Variants in ALPK1 observed in about 807,000 individuals in gnomAD.
The protein encoded by ALPK1 is alpha-protein kinase 1.
A neutral mutation model predicts 120.6 loss-of-function variants in ALPK1; 110 were observed. That is an observed-to-expected ratio of 0.91 (90% CI 0.78 to 1.07). The LOEUF (loss-of-function observed/expected upper bound fraction) is 1.07. Ranked by LOEUF, ALPK1 falls within the 50% of genes least tolerant of loss-of-function variation. The probability of loss-of-function intolerance (pLI) is 0.00; values close to 1 mark genes in which losing one functional copy is unlikely to be tolerated. For missense variants in ALPK1, 1,498 were observed against 1,483.9 expected, an observed-to-expected ratio of 1.01 and a Z score of -0.16; for synonymous variants, 582 against 560.3, an observed-to-expected ratio of 1.04 and a Z score of -0.55.
chr4:112,411,003 A>G (rs772084128), intron 4 of ALPK1: 1 of 154,848 alleles, frequency 6.5e-6, no homozygotes, highest in Non-Finnish European at 1.5e-5. Context: ...CAATATGTTT[A>G]GTGTGACGTC....
intron 2 of ALPK1, among the ~76,000 whole-genome samples, chr4:112,364,081 T>C (rs1199429825): frequency 6.6e-6 from 1 of 152,128 alleles, no homozygotes; most frequent in Non-Finnish European, 1.5e-5. Context: ...GGAAAGTTCA[T>C]AGCATTAAAT....
chr4:112,320,681 G>A (rs1324760880), intron 2 of ALPK1, among the ~76,000 whole-genome samples: 3 of 151,926 alleles, frequency 2.0e-5, no homozygotes, highest in Admixed American at 1.3e-4. Flanking sequence ...AACTTTTTTT[G>A]TTGGTGGCTT....
rs184504248 is a variant in ALPK1, at chr4:112,431,441, G to A, written c.1894G>A (p.Asp632Asn). 1.9e-5 allele frequency: 31 copies of A among 1,614,094 alleles called. No individual in the cohort carries two copies. The highest frequency in any genetic ancestry group is 1.6e-4 in the Middle Eastern group (1 of 6,084). ...TGCCTTGTCTGAGGAGCTAGAGAATGACAGGGAAGGCAGAGCTATGCATTC... is the reference window on the plus strand; with the variant it reads ...TGCCTTGTCTGAGGAGCTAGAGAATAACAGGGAAGGCAGAGCTATGCATTC... ...STALSEELEN[D>N]REGRAMHSLH... Residue 632 changes from aspartate (D) to asparagine (N), a missense_variant, in exon 11 of 16, where the codon GAC (aspartate) becomes AAC (asparagine). Physicochemically the swap from Asp to Asn is conservative, Grantham distance 23. Transcript: ENST00000650871.
rs1019851857 is a variant in ALPK1 at position 112,315,833 on chromosome 4, C to A, written c.-120C>A. On this transcript the variant is annotated 5_prime_UTR_variant, in exon 2 of 16. Coordinates refer to ENST00000650871, the MANE Select transcript of ALPK1 (RefSeq NM_025144.4). The stretch of plus-strand genomic sequence containing the variant: ...TTCTAAATCAGGAATGGATTGAAAT[C>A]TAATGAACCGAAACTTTGGGTAAGT... 6.6e-6 allele frequency: 1 copy of A among 152,146 alleles called. No homozygotes were observed. Among genetic ancestry groups the A allele is most frequent in the African/African-American group, 2.4e-5 (1 of 41,420 alleles). 9.4% of individuals were successfully genotyped at this position (152,146 alleles called of 1,614,324 possible). A position where few individuals can be genotyped will look rare whatever the true frequency, so the allele number is the denominator to read the frequency against.
At chr4:112,399,760 C>A (rs1020709668) in intron 4 of ALPK1, among the ~76,000 whole-genome samples, 1 of 152,050 alleles carries the variant, frequency 6.6e-6, no homozygotes, top group South Asian at 2.1e-4. Flanking sequence ...TCCTCCACCC[C>A]TCTACAGGCC....
chr4:112,357,006 G>A (rs1560651287), intron 2 of ALPK1: 5 of 781,504 alleles, frequency 6.4e-6, no homozygotes, highest in Non-Finnish European at 9.3e-6. Flanking sequence ...GCACAGCAGG[G>A]CCAGCCCCAA....
At chr4:112,435,430 C>T (rs994522833) in intron 12 of ALPK1, 129 bp downstream of exon 12, 32 of 801,162 alleles carry the variant, frequency 4.0e-5, no homozygotes, top group Non-Finnish European at 6.2e-5. Context: ...ATTTCTACTC[C>T]TTTTTCTTTT....
At chr4:112,304,634 T>C (rs1428964572) in intron 1 of ALPK1, among the ~76,000 whole-genome samples, 1 of 152,168 alleles carries the variant, frequency 6.6e-6, no homozygotes, top group African/African-American at 2.4e-5. Context: ...AAGTTCTTTG[T>C]AGATTCTGGA....
intron 4 of ALPK1, among the ~76,000 whole-genome samples, chr4:112,398,756 G>C (rs1560670307): frequency 6.6e-6 from 1 of 152,192 alleles, no homozygotes; most frequent in African/African-American, 2.4e-5. Flanking sequence ...AAGCAAGACT[G>C]TAACAGTGGC....
chr4:112,410,109 T>C (rs1733383434), intron 4 of ALPK1, among the ~76,000 whole-genome samples: 1 of 152,126 alleles, frequency 6.6e-6, no homozygotes, highest in African/African-American at 2.4e-5. Context: ...ATAGTAAATA[T>C]CAGATAATTG....
At chr4:112,403,503 G>A (rs966592108) in intron 4 of ALPK1, among the ~76,000 whole-genome samples, 9 of 152,284 alleles carry the variant, frequency 5.9e-5, no homozygotes, top group African/African-American at 1.7e-4. Context: ...AGAGAGATGC[G>A]AGAGGTTTGG....
chr4:112,350,033 T>C (rs1730281051), intron 2 of ALPK1, among the ~76,000 whole-genome samples: 2 of 152,154 alleles, frequency 1.3e-5, no homozygotes, highest in African/African-American at 4.8e-5. Flanking sequence ...GTAGCAGAAA[T>C]TTAAATCTAG....
At chr4:112,414,337 T>A (rs1033166771) in intron 5 of ALPK1, 2 of 479,572 alleles carry the variant, frequency 4.2e-6, no homozygotes, top group Non-Finnish European at 8.3e-6. Context: ...CCAGGCACTA[T>A]GGCTCATGCC....
chr4:112,365,825 A>C (rs932505995), intron 2 of ALPK1, among the ~76,000 whole-genome samples: 1 of 152,206 alleles, frequency 6.6e-6, no homozygotes, highest in African/African-American at 2.4e-5. Flanking sequence ...GGCCATAGTC[A>C]CCAAAACAGC....
chr4:112,357,614 G>T (rs1730695793), intron 2 of ALPK1: 2 of 1,605,100 alleles, frequency 1.2e-6, no homozygotes, highest in Admixed American at 1.7e-5. Flanking sequence ...TTCCCAGTCT[G>T]CCTGGAGAAC....
chr4:112,428,850 G>A lies in ALPK1; in HGVS notation c.796-299G>A, dbSNP rs115097563. On this transcript the variant is annotated intron_variant, in intron 9 of 15. Transcript: ENST00000650871. ...AATTAAAGGGCTCTTTGCCAAGAGC[G>A]TGCAGAAATCAATTAATCTGGCTTC... Among the ~76,000 whole-genome samples the A allele has an allele frequency of 4.7e-3, 711 of 152,288 alleles. 4 individuals carry two copies. Among genetic ancestry groups the A allele is most frequent in the Admixed American group, 8.0e-3 (123 of 15,302 alleles).
Position 112,344,694 on chromosome 4 carries a change from G to A in ALPK1, c.-101+28842G>A, listed in dbSNP as rs1027092059. ...CCTGGAAATTCTGAATACACACCTT[G>A]TTTAGTATGTGACCTTGGGAAAGTT... On this transcript the variant is annotated intron_variant, in intron 2 of 15. Coordinates refer to ENST00000650871, the MANE Select transcript of ALPK1 (RefSeq NM_025144.4). 5.3e-5 allele frequency among the ~76,000 whole-genome samples: 8 copies of A among 152,260 alleles called. No individual in the cohort carries two copies. The East Asian group carries it at 1.5e-3, about 29-fold the overall frequency.
chr4:112,414,413 C>A, intron 5 of ALPK1: 1 of 419,974 alleles, frequency 2.4e-6, no homozygotes, highest in Non-Finnish European at 4.9e-6. Context: ...TCGAGACCAG[C>A]CTGGACAACA....
Position 112,427,638 on chromosome 4 carries a change from G to GT in ALPK1, c.771dup (p.Lys258Ter). 1.2e-6 allele frequency: 2 copies of GT among 1,613,750 alleles called. No individual in the cohort carries two copies. The highest frequency in any genetic ancestry group is 1.7e-6 in the Non-Finnish European group (2 of 1,179,692). On this transcript the variant is annotated frameshift_variant, in exon 9 of 16. Coordinates refer to ENST00000650871, the MANE Select transcript of ALPK1 (RefSeq NM_025144.4). LOFTEE classifies it high-confidence loss of function. ...CCATGAGCAAGAACGATTATGAAAA[G>GT]TTTAAAAACAATCCACAAATTAATT...
Sources: gnomAD v4.1 joint callset for allele counts (sites outside exome capture counted in the v4.1 genomes callset) on GRCh38, gnomAD v4.1.1 for gene constraint, MANE v1.5 for transcripts, NCBI Gene and HGNC (gene_info 2026-07-23, HGNC 2026-07-21) for gene names.